Variants in HUWE1 observed in about 807,000 individuals in gnomAD.
The protein encoded by HUWE1 is E3 ubiquitin-protein ligase HUWE1.
HUWE1 carries 18 observed loss-of-function variants against 299.4 expected under a neutral mutation model. The observed-to-expected ratio is 0.06, with a 90% confidence interval of 0.04 to 0.09. The LOEUF is 0.09. Ranked by LOEUF, HUWE1 falls within the 10% of genes least tolerant of loss-of-function variation. The probability of loss-of-function intolerance (pLI) is 1.00; values close to 1 mark genes in which losing one functional copy is unlikely to be tolerated. For synonymous variants in HUWE1, 1,317 were observed against 1,286.1 expected (o/e 1.02, Z -0.51); for missense variants, 1,832 against 3,462.3 (o/e 0.53, Z 11.82).
chrX:53,547,821 A>AGTGGTG lies in HUWE1; in HGVS notation c.10482_10487dup (p.Thr3495_Thr3496dup), dbSNP rs782446150. 8.4e-7 allele frequency: 1 copy of AGTGGTG among 1,197,592 alleles called. No individual in the cohort carries two copies. The highest frequency in any genetic ancestry group is 1.1e-6 in the Non-Finnish European group (1 of 887,346). The stretch of plus-strand genomic sequence containing the variant: ...GGGGTGTGGGCGTGGTGGAGGCGGC[A>AGTGGTG]GTGGTGGTGGTGGTAGATGTGGTTG... On this transcript the variant is annotated inframe_insertion, in exon 68 of 84. Transcript: ENST00000262854.
intron 28 of HUWE1, 83 bp downstream of exon 28, chrX:53,602,481 C>T (rs2064917511): frequency 6.8e-6 from 4 of 586,860 alleles, no homozygotes; most frequent in Non-Finnish European, 1.1e-5. Context: ...ATAGAACTAA[C>T]TAAAAATTTT....
At chrX:53,636,090 G>A (rs1557026238) in intron 7 of HUWE1, among the ~76,000 whole-genome samples, 4 of 112,296 alleles carry the variant, frequency 3.6e-5, no homozygotes, top group African/African-American at 1.3e-4. Context: ...CAAGAGAGAA[G>A]TCTCTTTGCT....
intron 6 of HUWE1, among the ~76,000 whole-genome samples, chrX:53,646,162 T>C (rs967890983): frequency 1.8e-5 from 2 of 110,613 alleles, no homozygotes; most frequent in Admixed American, 1.9e-4. Flanking sequence ...CTGGATTTTG[T>C]TGTTGTTGCT....
At chrX:53,660,572 T>C (rs1477947765) in intron 3 of HUWE1, among the ~76,000 whole-genome samples, 2 of 111,905 alleles carry the variant, frequency 1.8e-5, no homozygotes, top group Admixed American at 9.5e-5. Flanking sequence ...GTATACTGAG[T>C]GTCCATTACA....
chrX:53,651,933 T>C (rs1030412815), intron 4 of HUWE1, among the ~76,000 whole-genome samples: 2 of 111,892 alleles, frequency 1.8e-5, no homozygotes, highest in African/African-American at 6.5e-5. Context: ...GCCTAATGTC[T>C]TCCAGGGATT....
chrX:53,571,578 G>A (rs1187688177), intron 47 of HUWE1, among the ~76,000 whole-genome samples: 1 of 111,272 alleles, frequency 9.0e-6, no homozygotes, highest in East Asian at 2.8e-4. Context: ...TTCTAGCCTG[G>A]GAGACAAAGT....
At chrX:53,537,826 G>A in intron 77 of HUWE1, 130 bp from the exon 78 acceptor site, 1 of 706,095 alleles carries the variant, frequency 1.4e-6, no homozygotes, top group Non-Finnish European at 2.1e-6. Flanking sequence ...CTCCACACCT[G>A]TTTGGGAAAT....
In HUWE1 at chrX:53,573,970, G is replaced by A. The variant is rs782780031; in HGVS notation, c.6098-6C>T. On this transcript the variant is annotated splice_polypyrimidine_tract_variant and splice_region_variant and intron_variant, in intron 46 of 83. Transcript: ENST00000262854. ...AGACTCCTCTGGAGTTGAAGCTGTT[G>A]AGAAAAGTCAAACACTGGTTCAATT... 1 of 1,195,837 alleles carries A rather than the reference G, an allele frequency of 8.4e-7. No individual in the cohort carries two copies. The highest frequency in any genetic ancestry group is 1.1e-6 in the Non-Finnish European group (1 of 881,922).
At chrX:53,622,740 T>A (rs781894719) in intron 19 of HUWE1, among the ~76,000 whole-genome samples, 1 of 111,755 alleles carries the variant, frequency 8.9e-6, no homozygotes, top group South Asian at 3.8e-4. Flanking sequence ...TGCATGATCA[T>A]TAATAAAGAA....
At position 53,546,614 on chromosome X, in the gene HUWE1, G is replaced by A. The variant is rs782595495; in HGVS notation, c.10759-22C>T. On this transcript the variant is annotated intron_variant, in intron 69 of 83. Transcript: ENST00000262854. ...ACACCTGAGAAAAAGAAGACAGAAG[G>A]AGTAAGCCCCAGCCTGAGAACAAAA... 4 of 1,209,331 alleles carry A rather than the reference G, an allele frequency of 3.3e-6. No individual in the cohort carries two copies. The Admixed American group carries it at 6.5e-5, about 20-fold the overall frequency.
chrX:53,585,339 T>A, intron 39 of HUWE1, 151 bp from the exon 40 acceptor site: 2 of 545,145 alleles, frequency 3.7e-6, no homozygotes, highest in South Asian at 2.8e-5. Context: ...ATTTTTCATA[T>A]GCATTTACTC....
chrX:53,533,597 C>A, intron 83 of HUWE1, 186 bp from the exon 84 acceptor site: 2 of 468,672 alleles, frequency 4.3e-6, no homozygotes, highest in Admixed American at 6.7e-5. Context: ...CCATCAGGCA[C>A]CAAAACCAAA....
At chrX:53,557,532 G>T (rs1330792983) in intron 59 of HUWE1, 105 bp from the exon 60 acceptor site, 7 of 630,166 alleles carry the variant, frequency 1.1e-5, no homozygotes, top group South Asian at 2.3e-5. Context: ...GGAGTTCAGT[G>T]ATCTAATGGA....
At chrX:53,604,999 G>A (rs2065074732) in intron 25 of HUWE1, among the ~76,000 whole-genome samples, 165 bp from the exon 26 acceptor site, 2 of 112,166 alleles carry the variant, frequency 1.8e-5, no homozygotes, top group Middle Eastern at 4.6e-3. Flanking sequence ...TATGAAGTCA[G>A]GTACAACATA....
At position 53,551,486 on chromosome X, in the gene HUWE1, G is replaced by C; in HGVS notation, c.8882-6C>G. 8.5e-7 allele frequency: 1 copy of C among 1,179,922 alleles called. No homozygotes were observed. The highest frequency in any genetic ancestry group is 1.1e-6 in the Non-Finnish European group (1 of 874,118). On this transcript the variant is annotated splice_region_variant and splice_polypyrimidine_tract_variant and intron_variant, in intron 63 of 83. Coordinates refer to ENST00000262854, the MANE Select transcript of HUWE1 (RefSeq NM_031407.7). ...ACCTTCAGGGAGACTGATACCTGAA[G>C]GGAGATATAACATGTAAAGGGATTC...
intron 9 of HUWE1, chrX:53,631,859 A>G: frequency 2.5e-6 from 1 of 402,617 alleles, no homozygotes; most frequent in South Asian, 3.7e-5. Flanking sequence ...AGCCAGGCAC[A>G]TTTCATATTC....
chrX:53,651,308 C>T (rs1023945962), intron 4 of HUWE1, among the ~76,000 whole-genome samples: 3 of 111,231 alleles, frequency 2.7e-5, no homozygotes, highest in Admixed American at 9.5e-5. Context: ...TGTGTCCCTA[C>T]GTGTGTGTGC....
intron 61 of HUWE1, 127 bp from the exon 62 acceptor site, chrX:53,553,020 G>A: frequency 2.9e-6 from 2 of 698,894 alleles, no homozygotes; most frequent in Non-Finnish European, 4.5e-6. Context: ...CTCCCTTGCT[G>A]TCCCCCTCTC....
At chrX:53,569,112 A>G (rs181149364) in intron 48 of HUWE1, among the ~76,000 whole-genome samples, 1 of 111,518 alleles carries the variant, frequency 9.0e-6, no homozygotes, top group East Asian at 2.8e-4. Flanking sequence ...GCTCACTGCA[A>G]CCTTCCTGGG....
Sources: allele counts gnomAD v4.1 joint callset (sites outside exome capture counted in the v4.1 genomes callset), GRCh38; gene constraint gnomAD v4.1.1; transcripts MANE v1.5; gene names NCBI Gene and HGNC (gene_info 2026-07-23, HGNC 2026-07-21).